The following RSF1 variants were observed in gnomAD, a reference collection of about 807,000 sequenced individuals.
RSF1 encodes the protein remodeling and spacing factor 1, also known as HBV pX-associated protein 8.
Under a neutral mutation model 145.2 loss-of-function variants are expected in RSF1, and 13 were observed. The ratio of observed to expected loss-of-function variants is 0.09; its 90% CI spans 0.06 to 0.14. RSF1 has a LOEUF of 0.14. RSF1 is among the 10% of genes least tolerant of loss of function. The pLI, the probability that RSF1 is intolerant of heterozygous loss-of-function variation, is 1.00. For synonymous variants in RSF1, 577 were observed against 592.6 expected, an observed-to-expected ratio of 0.97 and a Z score of 0.38; for missense variants, 1,517 against 1,718.2, an observed-to-expected ratio of 0.88 and a Z score of 2.07.
At chr11:77,760,910 T>C (rs1195585140) in intron 2 of RSF1, among the ~76,000 whole-genome samples, 1 of 151,940 alleles carries the variant, frequency 6.6e-6, no homozygotes, top group East Asian at 1.9e-4. Context: ...ACTAGGTTAT[T>C]TTCTTTCTTT....
chr11:77,765,927 T>C (rs1056658407), intron 1 of RSF1, among the ~76,000 whole-genome samples: 1 of 152,074 alleles, frequency 6.6e-6, no homozygotes, highest in Non-Finnish European at 1.5e-5. Flanking sequence ...TTTGCATTTT[T>C]AGTAGAGACA....
At chr11:77,674,321 G>A (rs1261323220) in intron 14 of RSF1, among the ~76,000 whole-genome samples, 3 of 152,106 alleles carry the variant, frequency 2.0e-5, no homozygotes, top group Admixed American at 6.6e-5. Flanking sequence ...TTCTTGTAGC[G>A]GTTGAGCCTC....
chr11:77,821,030 G>A, upstream of RSF1: 1 of 482,032 alleles, frequency 2.1e-6, no homozygotes, highest in Non-Finnish European at 3.6e-6. Context: ...GAAGCGGGGC[G>A]GGGAGGCGGG....
the RSF1 span, among the ~76,000 whole-genome samples, chr11:77,841,606 T>A: frequency 6.6e-6 from 1 of 152,308 alleles, no homozygotes; most frequent in Admixed American, 6.5e-5. Context: ...TTCTTGCTTA[T>A]CCACTGTGTA....
In RSF1 at chr11:77,702,425, G is replaced by C; in HGVS notation, c.804C>G (p.Ala268=). ...QPMDLENRST[A]NVLEETTVKK... ...TCACAGTAGTCTCTTCTAGAACATTGGCTGTAGAACGGTTTTCTAAATCCA... is the reference window on the plus strand; with the variant it reads ...TCACAGTAGTCTCTTCTAGAACATTCGCTGTAGAACGGTTTTCTAAATCCA... Residue 268 remains alanine (A), a synonymous_variant, in exon 6 of 16, where the codon GCC becomes GCG. Transcript: ENST00000308488. 6.3e-7 allele frequency: 1 copy of C among 1,590,554 alleles called. No individual in the cohort carries two copies. Among genetic ancestry groups the C allele is most frequent in the Non-Finnish European group, 8.5e-7 (1 of 1,174,196 alleles).
chr11:77,866,780 CATT>C, the RSF1 span: 1 of 151,910 alleles, frequency 6.6e-6, no homozygotes, highest in Non-Finnish European at 1.5e-5. Context: ...ATATGTAAGA[CATT>C]ATTATTACAG....
At chr11:77,821,406 C>A (rs976347352), upstream of RSF1, among the ~76,000 whole-genome samples, 7 of 151,948 alleles carry the variant, frequency 4.6e-5, no homozygotes, top group Non-Finnish European at 7.4e-5. Flanking sequence ...TGGGCTGGGA[C>A]CTCGGTAAGA....
In RSF1 at chr11:77,684,996, T is replaced by C. The variant is rs750244607; in HGVS notation, c.2955+109A>G. The C allele has an allele frequency of 1.8e-5, 9 of 513,718 alleles. 1 individual carries two copies. The highest frequency in any genetic ancestry group is 2.6e-5 in the Non-Finnish European group (8 of 307,236). The allele number at this position is 513,718 out of a possible 1,614,324, so 31.8% of individuals were successfully genotyped here. A position where few individuals can be genotyped will look rare whatever the true frequency, so the allele number is the denominator to read the frequency against. On this transcript the variant is annotated intron_variant, in intron 10 of 15. Coordinates refer to ENST00000308488, the MANE Select transcript of RSF1 (RefSeq NM_016578.4). The stretch of plus-strand genomic sequence containing the variant: ...GAACGAAACTCCATCTCGAAATAAA[T>C]AAATAAATAAATAAATAAATAAAAC...
At chr11:77,841,085 C>A in the RSF1 span, 1 of 661,936 alleles carries the variant, frequency 1.5e-6, no homozygotes. Flanking sequence ...GCTGCATCAT[C>A]CTATAGTGGA....
intron 5 of RSF1, among the ~76,000 whole-genome samples, chr11:77,712,202 G>A (rs187065649): frequency 5.9e-5 from 9 of 152,288 alleles, no homozygotes; most frequent in Admixed American, 1.3e-4. Flanking sequence ...TCACGGGGGT[G>A]GTTCCCCCAT....
the RSF1 span, among the ~76,000 whole-genome samples, chr11:77,833,006 TATA>T: frequency 1.0e-4 from 9 of 86,806 alleles, no homozygotes; most frequent in South Asian, 6.0e-4. Flanking sequence ...TGTATATATA[TATA>T]TTTTTTTTTT....
rs572822132 is a variant in RSF1, at chr11:77,660,835, T to C, written c.*6082A>G. On this transcript the variant is annotated 3_prime_UTR_variant, in exon 16 of 16. Coordinates refer to ENST00000308488, the MANE Select transcript of RSF1 (RefSeq NM_016578.4). ...CACATGAATATAGCTTTGATTGAAA[T>C]TATGACACACTTAGATGAATTTAAT... is the stretch of plus-strand genomic sequence containing the variant. 30 of 152,248 alleles carry C rather than the reference T, an allele frequency of 2.0e-4. No homozygotes were observed. The South Asian group carries it at 6.0e-3, about 30-fold the overall frequency. The allele number at this position is 152,248 out of a possible 1,614,324, so 9.4% of individuals were successfully genotyped here.
At chr11:77,689,307 TC>T (rs760059675) in intron 9 of RSF1, among the ~76,000 whole-genome samples, 1 of 152,204 alleles carries the variant, frequency 6.6e-6, no homozygotes, top group Non-Finnish European at 1.5e-5. Context: ...TACATATGTC[TC>T]CTTTGATGGC....
chr11:77,852,151 A>T, the RSF1 span, among the ~76,000 whole-genome samples: 1 of 137,702 alleles, frequency 7.3e-6, no homozygotes, highest in Admixed American at 8.1e-5. Flanking sequence ...AGATGGGAGG[A>T]TCACTTGTGC....
At chr11:77,781,350 CA>C (rs1565178783) in intron 1 of RSF1, among the ~76,000 whole-genome samples, 1 of 152,208 alleles carries the variant, frequency 6.6e-6, no homozygotes. Flanking sequence ...CTGCCCACCT[CA>C]GCCTTGCAAA....
intron 1 of RSF1, among the ~76,000 whole-genome samples, chr11:77,776,537 A>G (rs1292025305): frequency 2.0e-5 from 3 of 152,192 alleles, no homozygotes; most frequent in African/African-American, 7.2e-5. Context: ...GAACGAAATG[A>G]GCTCATTATA....
chr11:77,725,090 G>A (rs993542739), intron 5 of RSF1, among the ~76,000 whole-genome samples: 1 of 152,216 alleles, frequency 6.6e-6, no homozygotes, highest in Non-Finnish European at 1.5e-5. Flanking sequence ...GAAAAATGCA[G>A]AGTTTAGTGT....
intron 1 of RSF1, among the ~76,000 whole-genome samples, chr11:77,772,437 G>A (rs1466196736): frequency 6.6e-6 from 1 of 152,124 alleles, no homozygotes; most frequent in East Asian, 1.9e-4. Flanking sequence ...GCCTCCCAAA[G>A]TGCTGGGATT....
chr11:77,819,747 A>G (rs1274537882), intron 1 of RSF1, among the ~76,000 whole-genome samples: 1 of 151,960 alleles, frequency 6.6e-6, no homozygotes, highest in Non-Finnish European at 1.5e-5. Flanking sequence ...AAAAGTGGGG[A>G]GATGCTCGCC....
Sources: allele counts gnomAD v4.1 joint callset (sites outside exome capture counted in the v4.1 genomes callset), GRCh38; gene constraint gnomAD v4.1.1; transcripts MANE v1.5; gene names NCBI Gene and HGNC (gene_info 2026-07-23, HGNC 2026-07-21).